RADX: variants seen among roughly 807,000 people sequenced by gnomAD.
RADX encodes the protein RPA1 related single stranded DNA binding protein, X-linked.
A neutral mutation model predicts 61.6 loss-of-function variants in RADX; 36 were observed. The observed-to-expected ratio is 0.58, with a 90% CI of 0.45 to 0.77. The LOEUF is 0.77. Among genes scored for constraint, RADX ranks in the 30% least tolerant of loss-of-function variants. RADX has a pLI of 0.00. For synonymous variants in RADX, 272 were observed against 237.9 expected (o/e 1.14, Z -1.32); for missense variants, 497 against 651.1 (o/e 0.76, Z 2.58).
intron 11 of RADX, among the ~76,000 whole-genome samples, chrX:106,652,695 G>GCACA (rs112557092): frequency 0.21 from 20,055 of 96,748 alleles, 1,784 homozygotes; most frequent in Middle Eastern, 0.34. Context: ...ATCATTAAAT[G>GCACA]CACACACACA....
At chrX:106,661,687 G>A (rs1928101277) in intron 11 of RADX, among the ~76,000 whole-genome samples, 1 of 111,326 alleles carries the variant, frequency 9.0e-6, no homozygotes, top group Non-Finnish European at 1.9e-5. Context: ...ATTTGTCACT[G>A]AATATAAAAA....
intron 8 of RADX, chrX:106,639,180 T>A (rs1927442603): frequency 7.6e-6 from 1 of 130,883 alleles, no homozygotes; most frequent in Non-Finnish European, 1.5e-5. Context: ...TACATCATAA[T>A]GCTAGCAATA....
intron 1 of RADX, among the ~76,000 whole-genome samples, chrX:106,618,370 C>T (rs1926861820): frequency 9.0e-6 from 1 of 111,218 alleles, no homozygotes; most frequent in African/African-American, 3.3e-5. Flanking sequence ...AGATTGCTGA[C>T]CACCATTCCC....
intron 12 of RADX, among the ~76,000 whole-genome samples, chrX:106,662,740 G>T (rs1412907993): frequency 9.4e-6 from 1 of 105,910 alleles, no homozygotes; most frequent in East Asian, 2.9e-4. Context: ...AAGAAAAAAA[G>T]GTCTGTTTAG....
intron 11 of RADX, among the ~76,000 whole-genome samples, chrX:106,649,298 T>TAA (rs34755081): frequency 9.0e-6 from 1 of 110,894 alleles, no homozygotes; most frequent in African/African-American, 3.3e-5. Context: ...TAATTTGAAT[T>TAA]AAAAAAATGT....
chrX:106,656,003 T>G (rs755354307), intron 11 of RADX, among the ~76,000 whole-genome samples: 7 of 112,636 alleles, frequency 6.2e-5, no homozygotes, highest in Admixed American at 1.9e-4. Context: ...TAGCATGTGA[T>G]GCTGTTTGAC....
intron 1 of RADX, among the ~76,000 whole-genome samples, chrX:106,615,036 A>G (rs771940861): frequency 9.0e-6 from 1 of 111,213 alleles, no homozygotes; most frequent in Non-Finnish European, 1.9e-5. Context: ...AACCTCAAAT[A>G]TAGCTTTTAA....
At chrX:106,630,763 A>T (rs1410952171) in intron 3 of RADX, among the ~76,000 whole-genome samples, 1 of 111,310 alleles carries the variant, frequency 9.0e-6, no homozygotes, top group Non-Finnish European at 1.9e-5. Flanking sequence ...TTGAAAGTGG[A>T]GGGTGGGAAG....
chrX:106,677,219 C>T (rs941944356), intron 13 of RADX, among the ~76,000 whole-genome samples: 1 of 112,274 alleles, frequency 8.9e-6, no homozygotes, highest in Middle Eastern at 4.6e-3. Context: ...CCCTTTGGTA[C>T]TAGCAACCTG....
At chrX:106,662,748 T>C (rs1229585991) in intron 12 of RADX, among the ~76,000 whole-genome samples, 2 of 109,201 alleles carry the variant, frequency 1.8e-5, no homozygotes, top group Non-Finnish European at 3.8e-5. Flanking sequence ...AAGGTCTGTT[T>C]AGACCCTCAA....
intron 1 of RADX, among the ~76,000 whole-genome samples, chrX:106,617,237 G>A (rs1926833011): frequency 9.2e-6 from 1 of 108,747 alleles, no homozygotes; most frequent in Admixed American, 9.8e-5. Context: ...TGTTGGCCAG[G>A]CTGGTCTCAA....
In RADX at chrX:106,648,313, A is replaced by T; in HGVS notation, c.1905A>T (p.Pro635=). 1 of 1,176,777 alleles carries T rather than the reference A, an allele frequency of 8.5e-7. No individual in the cohort carries two copies. Among genetic ancestry groups the T allele is most frequent in the Non-Finnish European group, 1.2e-6 (1 of 866,734 alleles). ...IRILQGPHAN[P]VAVPQPGASV... is the part of the protein sequence containing the mutation. ...GTTATACTCTTCTTATCCTTTATAG[A>T]GTTGCTGTACCTCAACCAGGAGCTT... Residue 635 remains proline, a splice_region_variant and synonymous_variant, in exon 11 of 14, where the codon CCA becomes CCT. Coordinates refer to ENST00000372548, the MANE Select transcript of RADX (RefSeq NM_018015.6).
At position 106,673,669 on chromosome X, in the gene RADX, C is replaced by T. The variant is rs188036338; in HGVS notation, c.2437+4339C>T. Among the ~76,000 whole-genome samples the T allele has an allele frequency of 6.8e-3, 653 of 95,912 alleles. 5 individuals are homozygous for T. Among genetic ancestry groups the T allele is most frequent in the African/African-American group, 0.034 (619 of 18,175 alleles). 83.3% of individuals were successfully genotyped at this position (95,912 alleles called of 115,157 possible). A position where few individuals can be genotyped will look rare whatever the true frequency, so the allele number is the denominator to read the frequency against. On this transcript the variant is annotated intron_variant, in intron 13 of 13. Transcript: ENST00000372548. The stretch of plus-strand genomic sequence containing the variant: ...TGGCTGATGTCTCAGTAGGTTGTGT[C>T]TCCCCCCCATCCCCCCCCACACACA...
At chrX:106,640,076 A>T (rs1352233585) in intron 9 of RADX, among the ~76,000 whole-genome samples, 2 of 108,507 alleles carry the variant, frequency 1.8e-5, no homozygotes, top group African/African-American at 3.4e-5. Context: ...ATCTATGACT[A>T]TATTAATTTC....
chrX:106,646,949 C>A (rs1288038053), intron 10 of RADX, among the ~76,000 whole-genome samples: 1 of 111,141 alleles, frequency 9.0e-6, no homozygotes, highest in African/African-American at 3.3e-5. Context: ...AATGGGGTAT[C>A]CATCCCCTCA....
chrX:106,637,873 C>T lies in RADX; in HGVS notation c.1522C>T (p.Pro508Ser). 8.3e-7 allele frequency: 1 copy of T among 1,201,021 alleles called. No homozygotes were observed. The highest frequency in any genetic ancestry group is 1.1e-6 in the Non-Finnish European group (1 of 886,034). Reference protein sequence around the residue: ...QKNMVIGGYYPYPPVPETFSK... With the variant: ...QKNMVIGGYYSYPPVPETFSK... ...GAATATGGTTATTGGTGGATATTAC[C>T]CCTATCCACCAGTGCCAGAGACATT... Residue 508 changes from proline to serine, a missense_variant, in exon 8 of 14, where the codon CCC becomes TCC. Coordinates refer to ENST00000372548, the MANE Select transcript of RADX (RefSeq NM_018015.6).
Position 106,652,983 on chromosome X carries a change from CA to C in RADX, c.1978+4615del, listed in dbSNP as rs35694143. On this transcript the variant is annotated intron_variant, in intron 11 of 13. Transcript: ENST00000372548. Reference sequence around the variant, plus strand: ...CCTGGGTGACAGAGTGAGATTCTGTCAAAAAAAAAAAAAAAAAACCTGTAAA... The same window carrying C: ...CCTGGGTGACAGAGTGAGATTCTGTCAAAAAAAAAAAAAAAAACCTGTAAA... Among the ~76,000 whole-genome samples, 410 of 55,033 alleles carry C rather than the reference CA, an allele frequency of 7.5e-3. 3 individuals carry two copies. The highest frequency in any genetic ancestry group is 0.014 in the African/African-American group (291 of 20,117). 47.8% of individuals were successfully genotyped at this position (55,033 alleles called of 115,157 possible).
Position 106,649,540 on chromosome X carries a change from T to C in RADX, c.1978+1154T>C, listed in dbSNP as rs1927745089. Among the ~76,000 whole-genome samples the C allele has an allele frequency of 3.6e-5, 4 of 111,995 alleles. No homozygotes were observed. The Middle Eastern group carries it at 0.018, about 514-fold the overall frequency. ...GATAATATGGTACTTCTCACAATTA[T>C]ATAATAGTAGTACCAGCCATTTATT... On this transcript the variant is annotated intron_variant, in intron 11 of 13. Transcript: ENST00000372548.
chrX:106,677,516 C>A (rs1032434979), intron 13 of RADX, among the ~76,000 whole-genome samples: 1 of 86,484 alleles, frequency 1.2e-5, no homozygotes, highest in Admixed American at 1.3e-4. Flanking sequence ...TTTTTTTTTT[C>A]TGAGAAGCGA....
Sources: allele counts gnomAD v4.1 joint callset (sites outside exome capture counted in the v4.1 genomes callset), GRCh38; gene constraint gnomAD v4.1.1; transcripts MANE v1.5; gene names NCBI Gene and HGNC (gene_info 2026-07-23, HGNC 2026-07-21).